APAF1: variants seen among roughly 807,000 people sequenced by gnomAD.
APAF1 encodes the protein apoptotic peptidase activating factor 1.
In APAF1, 91 loss-of-function variants were observed where a neutral mutation model predicts 152.4. The ratio of observed to expected loss-of-function variants is 0.60; its 90% CI spans 0.50 to 0.71. The LOEUF is 0.71. APAF1 is among the 30% of genes least tolerant of loss of function. The pLI is 0.00. For missense variants in APAF1, 1,283 were observed against 1,472.0 expected, an observed-to-expected ratio of 0.87 and a Z score of 2.10; for synonymous variants, 484 against 494.1, an observed-to-expected ratio of 0.98 and a Z score of 0.27.
chr12:98,709,562 G>A (rs962021678), intron 20 of APAF1, among the ~76,000 whole-genome samples: 6 of 152,162 alleles, frequency 3.9e-5, no homozygotes, highest in Non-Finnish European at 8.8e-5. Context: ...TGGTGATAGC[G>A]TTGTAGATAG....
At chr12:98,719,814 A>T (rs1244837153) in intron 22 of APAF1, among the ~76,000 whole-genome samples, 1 of 152,168 alleles carries the variant, frequency 6.6e-6, no homozygotes, top group Non-Finnish European at 1.5e-5. Flanking sequence ...GAAGGATAGA[A>T]TGCATATGTT....
At chr12:98,673,482 G>A (rs1482566194) in intron 12 of APAF1, among the ~76,000 whole-genome samples, 1 of 150,872 alleles carries the variant, frequency 6.6e-6, no homozygotes, top group East Asian at 1.9e-4. Flanking sequence ...GGGTCTGCCT[G>A]GCTTTATTTT....
intron 15 of APAF1, among the ~76,000 whole-genome samples, chr12:98,684,906 A>T (rs1481342768): frequency 6.6e-6 from 1 of 152,214 alleles, no homozygotes; most frequent in Admixed American, 6.5e-5. Context: ...GATGTGCTAT[A>T]CTACCTATAT....
chr12:98,680,484 G>A (rs910719267), intron 14 of APAF1, 82 bp downstream of exon 14: 1 of 1,365,364 alleles, frequency 7.3e-7, no homozygotes, highest in Non-Finnish European at 1.0e-6. Context: ...AGAGTAAGTA[G>A]AGTTAAAGGA....
chr12:98,723,214 A>G lies in APAF1; in HGVS notation c.3106A>G (p.Lys1036Glu). The G allele has an allele frequency of 6.2e-7, 1 of 1,613,674 alleles. No individual in the cohort carries two copies. Among genetic ancestry groups the G allele is most frequent in the Non-Finnish European group, 8.5e-7 (1 of 1,179,638 alleles). Reference protein sequence around the residue: ...EIQVWNWQLDKCIFLRGHQET... With the variant: ...EIQVWNWQLDECIFLRGHQET... ...TCAGGTATGGAATTGGCAATTGGACAAATGTATCTTTCTACGAGGCCATCA... is the reference window on the plus strand; with the variant it reads ...TCAGGTATGGAATTGGCAATTGGACGAATGTATCTTTCTACGAGGCCATCA... Residue 1036 changes from lysine (K) to glutamate (E), a missense_variant, in exon 23 of 27, where the codon AAA (lysine) becomes GAA (glutamate). Coordinates refer to ENST00000551964, the MANE Select transcript of APAF1 (RefSeq NM_181861.2).
intron 17 of APAF1, among the ~76,000 whole-genome samples, chr12:98,700,996 T>G (rs2097714855): frequency 6.6e-6 from 1 of 152,170 alleles, no homozygotes; most frequent in Non-Finnish European, 1.5e-5. Context: ...TTTCTTTGTT[T>G]TTTTTTTTCT....
At chr12:98,715,601 A>G in intron 22 of APAF1, 49 bp downstream of exon 22, 2 of 1,604,374 alleles carry the variant, frequency 1.2e-6, no homozygotes, top group Middle Eastern at 3.3e-4. Context: ...ATTCTAGCAA[A>G]GGAACACTAT....
Position 98,662,488 on chromosome 12 carries a change from C to G in APAF1, c.743C>G (p.Ser248Cys), listed in dbSNP as rs770864896. 6.2e-7 allele frequency: 1 copy of G among 1,613,386 alleles called. No individual in the cohort carries two copies. Among genetic ancestry groups the G allele is most frequent in the Non-Finnish European group, 8.5e-7 (1 of 1,179,662 alleles). Residue 248 changes from serine (S) to cysteine (C), a missense_variant, in exon 6 of 27, where the codon TCT (serine) becomes TGT (cysteine). Coordinates refer to ENST00000551964, the MANE Select transcript of APAF1 (RefSeq NM_181861.2). ...TTGATCTTGGATGATGTTTGGGACTCTTGGGTGTTGAAAGCTTTTGACAGT... is the reference window on the plus strand; with the variant it reads ...TTGATCTTGGATGATGTTTGGGACTGTTGGGTGTTGAAAGCTTTTGACAGT... ...SLLILDDVWDSWVLKAFDSQC... is the reference protein window; with the variant it reads ...SLLILDDVWDCWVLKAFDSQC...
intron 13 of APAF1, 88 bp from the exon 14 acceptor site, chr12:98,680,189 T>C (rs1363018158): frequency 7.2e-7 from 1 of 1,386,100 alleles, no homozygotes; most frequent in African/African-American, 1.5e-5. Flanking sequence ...AAAATGACAA[T>C]GATTAAACTC....
chr12:98,724,445 A>G (rs1400315375), intron 24 of APAF1, among the ~76,000 whole-genome samples: 1 of 152,148 alleles, frequency 6.6e-6, no homozygotes, highest in African/African-American at 2.4e-5. Context: ...TTATAGGCCA[A>G]CCACTTAGCT....
intron 16 of APAF1, among the ~76,000 whole-genome samples, chr12:98,695,773 C>T (rs1477953960): frequency 2.0e-5 from 3 of 152,210 alleles, no homozygotes; most frequent in Non-Finnish European, 2.9e-5. Flanking sequence ...TTCCTCTTGA[C>T]TTAGCTTCAC....
chr12:98,667,335 C>T lies in APAF1; in HGVS notation c.1363-178C>T, dbSNP rs568635846. Among the ~76,000 whole-genome samples, 136 of 151,580 alleles carry T rather than the reference C, an allele frequency of 9.0e-4. 1 individual carries two copies. Among genetic ancestry groups the T allele is most frequent in the Admixed American group, 1.5e-3 (23 of 15,236 alleles). ...CTCTCTATGTTGCCCAGGCTAGTCT[C>T]GAAGTCCTGGCCTCAAGTGATCCTC... On this transcript the variant is annotated intron_variant, in intron 9 of 26. Transcript: ENST00000551964.
intron 18 of APAF1, among the ~76,000 whole-genome samples, chr12:98,706,166 A>G (rs1262258852): frequency 2.6e-5 from 4 of 152,124 alleles, no homozygotes; most frequent in African/African-American, 4.8e-5. Context: ...TCTGTTAACA[A>G]TATATCCTAG....
chr12:98,691,449 C>G (rs539813801), intron 16 of APAF1, among the ~76,000 whole-genome samples: 65 of 152,196 alleles, frequency 4.3e-4, no homozygotes, highest in African/African-American at 1.5e-3. Context: ...TTCTGTTTTT[C>G]TCTTTCCCTT....
intron 19 of APAF1, 116 bp downstream of exon 19, chr12:98,706,726 A>T: frequency 8.6e-6 from 10 of 1,161,256 alleles, no homozygotes; most frequent in Non-Finnish European, 1.3e-5. Flanking sequence ...CTAGTACTAT[A>T]TTCCTATTCA....
At chr12:98,710,763 G>A (rs1463161793) in intron 20 of APAF1, among the ~76,000 whole-genome samples, 1 of 152,216 alleles carries the variant, frequency 6.6e-6, no homozygotes, top group Non-Finnish European at 1.5e-5. Flanking sequence ...GCTCAGCTTG[G>A]TGTAGTGGAG....
rs141686387 is a variant in APAF1 at position 98,656,510 on chromosome 12, G to T, written c.527-2650G>T. On this transcript the variant is annotated intron_variant, in intron 4 of 26. Transcript: ENST00000551964. ...CTGTCTCTACCTCAGTTACTGTAGAGTTCTCTGTCTCCAGTTGTTTGTTAT... is the reference window on the plus strand; with the variant it reads ...CTGTCTCTACCTCAGTTACTGTAGATTTCTCTGTCTCCAGTTGTTTGTTAT... Among the ~76,000 whole-genome samples the T allele has an allele frequency of 3.1e-3, 472 of 152,262 alleles. 4 individuals carry two copies. Among genetic ancestry groups the T allele is most frequent in the African/African-American group, 0.011 (453 of 41,556 alleles).
At chr12:98,717,935 A>G (rs1339982865) in intron 22 of APAF1, among the ~76,000 whole-genome samples, 2 of 152,076 alleles carry the variant, frequency 1.3e-5, no homozygotes, top group African/African-American at 4.8e-5. Flanking sequence ...TGGTCTCCTC[A>G]GATTCCTAGA....
chr12:98,683,277 A>C lies in APAF1; in HGVS notation c.2178+3A>C. ...GGTCAAGTGACTGCTTCCTCAAAGT[A>C]AGTGTGGATATTGAGAATTAGGTAG... On this transcript the variant is annotated splice_donor_region_variant and intron_variant, in intron 15 of 26. Coordinates refer to ENST00000551964, the MANE Select transcript of APAF1 (RefSeq NM_181861.2). 1 of 1,613,696 alleles carries C rather than the reference A, an allele frequency of 6.2e-7. No homozygotes were observed. The highest frequency in any genetic ancestry group is 8.5e-7 in the Non-Finnish European group (1 of 1,179,840).
Sources: allele counts gnomAD v4.1 joint callset (sites outside exome capture counted in the v4.1 genomes callset), GRCh38; gene constraint gnomAD v4.1.1; transcripts MANE v1.5; gene names NCBI Gene and HGNC (gene_info 2026-07-23, HGNC 2026-07-21).